The following ROBO1 variants were observed in gnomAD, a reference collection of about 807,000 sequenced individuals.
ROBO1 encodes the protein roundabout guidance receptor 1.
A neutral mutation model predicts 195.9 loss-of-function variants in ROBO1; 149 were observed. The observed-to-expected ratio is 0.76, with a 90% CI of 0.67 to 0.87. The LOEUF is 0.87. Ranked by LOEUF, ROBO1 falls within the 40% of genes least tolerant of loss-of-function variation. The pLI, the probability that ROBO1 is intolerant of heterozygous loss-of-function variation, is 0.00. For synonymous variants in ROBO1, 816 were observed against 733.2 expected (o/e 1.11, Z -1.82); for missense variants, 1,933 against 2,068.3 (o/e 0.93, Z 1.27).
chr3:79,633,892 T>C (rs1945420425), intron 1 of ROBO1, among the ~76,000 whole-genome samples: 1 of 152,128 alleles, frequency 6.6e-6, no homozygotes, highest in East Asian at 1.9e-4. Flanking sequence ...ATAATCTGAT[T>C]GTAGCTGGCA....
At chr3:79,384,083 A>C (rs908549853) in intron 2 of ROBO1, among the ~76,000 whole-genome samples, 2 of 152,056 alleles carry the variant, frequency 1.3e-5, no homozygotes, top group African/African-American at 4.8e-5. Flanking sequence ...ATTTAAAAAC[A>C]AGCTATTCTG....
At chr3:79,065,026 T>A (rs1413187157) in intron 3 of ROBO1, among the ~76,000 whole-genome samples, 1 of 151,982 alleles carries the variant, frequency 6.6e-6, no homozygotes, top group Non-Finnish European at 1.5e-5. Context: ...CTTTCTGTGA[T>A]CAGGTGGAGG....
chr3:78,986,848 T>C (rs1297555963), intron 3 of ROBO1, among the ~76,000 whole-genome samples: 3 of 152,190 alleles, frequency 2.0e-5, no homozygotes, highest in Non-Finnish European at 2.9e-5. Flanking sequence ...CCGCTAATTA[T>C]GCCAGGCAGG....
chr3:78,977,608 AT>A (rs1560072572), intron 3 of ROBO1, among the ~76,000 whole-genome samples: 2 of 150,790 alleles, frequency 1.3e-5, no homozygotes, highest in Admixed American at 6.6e-5. Flanking sequence ...TATAATATAT[AT>A]TTTAAAAAAA....
At chr3:79,623,327 A>C (rs1439863914) in intron 1 of ROBO1, among the ~76,000 whole-genome samples, 1 of 152,232 alleles carries the variant, frequency 6.6e-6, no homozygotes, top group African/African-American at 2.4e-5. Context: ...TCACGGACAC[A>C]GAACTGGATG....
At chr3:79,229,672 C>G (rs2082287950) in intron 2 of ROBO1, among the ~76,000 whole-genome samples, 1 of 151,984 alleles carries the variant, frequency 6.6e-6, no homozygotes, top group Admixed American at 6.6e-5. Context: ...GATCTCAAAC[C>G]CCTCCCCAAA....
intron 2 of ROBO1, among the ~76,000 whole-genome samples, chr3:79,503,892 T>G (rs1940251873): frequency 6.6e-6 from 1 of 152,196 alleles, no homozygotes; most frequent in Non-Finnish European, 1.5e-5. Context: ...GGCCGTCTTA[T>G]GGTTTAGGAA....
chr3:79,595,371 C>T (rs921479527), intron 1 of ROBO1, among the ~76,000 whole-genome samples: 2 of 152,000 alleles, frequency 1.3e-5, no homozygotes, highest in South Asian at 2.1e-4. Flanking sequence ...GCACGAATTT[C>T]GTATTACATA....
intron 2 of ROBO1, among the ~76,000 whole-genome samples, chr3:79,270,494 G>T (rs142893822): frequency 6.6e-6 from 1 of 151,246 alleles, no homozygotes; most frequent in East Asian, 1.9e-4. Context: ...CAAAATTTAT[G>T]CATGCCCTAG....
chr3:78,712,463 C>T (rs190150469), intron 8 of ROBO1, among the ~76,000 whole-genome samples: 12 of 152,112 alleles, frequency 7.9e-5, no homozygotes, highest in African/African-American at 2.9e-4. Flanking sequence ...CTCAGGTTTC[C>T]TTTGAATGTT....
At chr3:79,379,380 G>C (rs2036494321) in intron 2 of ROBO1, among the ~76,000 whole-genome samples, 1 of 152,104 alleles carries the variant, frequency 6.6e-6, no homozygotes. Flanking sequence ...ATCAGCACAG[G>C]ATTAAATGTA....
intron 1 of ROBO1, among the ~76,000 whole-genome samples, chr3:79,599,035 G>A (rs1353804590): frequency 6.6e-6 from 1 of 152,040 alleles, no homozygotes; most frequent in African/African-American, 2.4e-5. Context: ...ACCAGAGCAG[G>A]TGCTGGTACT....
intron 4 of ROBO1, among the ~76,000 whole-genome samples, chr3:78,754,254 G>C (rs991632051): frequency 2.0e-5 from 3 of 152,136 alleles, no homozygotes; most frequent in Non-Finnish European, 4.4e-5. Flanking sequence ...TCAGCTGCCA[G>C]TACAAATGGA....
At chr3:79,610,898 C>G (rs999815142) in intron 1 of ROBO1, among the ~76,000 whole-genome samples, 1 of 152,116 alleles carries the variant, frequency 6.6e-6, no homozygotes, top group Admixed American at 6.6e-5. Flanking sequence ...TCTATCAACA[C>G]TTCTCTGAGT....
chr3:78,773,630 T>C (rs1313314612), intron 4 of ROBO1, among the ~76,000 whole-genome samples: 2 of 152,154 alleles, frequency 1.3e-5, no homozygotes. Context: ...TATTGATGTA[T>C]TTGGACAGGA....
chr3:79,534,601 A>G (rs9865456), intron 2 of ROBO1, among the ~76,000 whole-genome samples: 100,228 of 151,972 alleles, frequency 0.66, 33,046 homozygotes, highest in African/African-American at 0.68. Context: ...CTCCAAGGTA[A>G]GAAATCTTAA....
chr3:79,304,671 A>G (rs1483823517), intron 2 of ROBO1, among the ~76,000 whole-genome samples: 2 of 152,200 alleles, frequency 1.3e-5, no homozygotes, highest in East Asian at 3.8e-4. Context: ...GTGTATTTAG[A>G]GGTCATTCCT....
At chr3:79,377,719 G>T (rs2036433276) in intron 2 of ROBO1, among the ~76,000 whole-genome samples, 1 of 152,178 alleles carries the variant, frequency 6.6e-6, no homozygotes, top group Non-Finnish European at 1.5e-5. Context: ...GGACAGCCAA[G>T]AACTGTTCCT....
intron 2 of ROBO1, among the ~76,000 whole-genome samples, chr3:79,513,284 A>G (rs1329550700): frequency 3.9e-5 from 6 of 152,174 alleles, no homozygotes; most frequent in Non-Finnish European, 7.4e-5. Flanking sequence ...TAGATGACTT[A>G]AAATAACTAA....
Sources: allele counts gnomAD v4.1 joint callset (sites outside exome capture counted in the v4.1 genomes callset), GRCh38; gene constraint gnomAD v4.1.1; transcripts MANE v1.5; gene names NCBI Gene and HGNC (gene_info 2026-07-23, HGNC 2026-07-21).